Variants in AP3B2 observed in about 807,000 individuals in gnomAD.
AP3B2 encodes adaptor related protein complex 3 subunit beta 2, also known as AP-3 complex subunit beta-2.
AP3B2 carries 50 observed loss-of-function variants against 126.9 expected under a neutral mutation model. The observed-to-expected ratio is 0.39, with a 90% CI of 0.31 to 0.50. The LOEUF is 0.50. AP3B2 is among the 20% of genes least tolerant of loss of function. The pLI is 0.79. For synonymous variants in AP3B2, 541 were observed against 565.0 expected, an observed-to-expected ratio of 0.96 and a Z score of 0.60; for missense variants, 1,177 against 1,426.4, an observed-to-expected ratio of 0.83 and a Z score of 2.82.
chr15:82,679,495 C>A (rs193259732), intron 10 of AP3B2, among the ~76,000 whole-genome samples: 1 of 152,284 alleles, frequency 6.6e-6, no homozygotes, highest in East Asian at 1.9e-4. Flanking sequence ...CAGGTTACTT[C>A]ATTTATGAAG....
At chr15:82,691,945 C>T in intron 1 of AP3B2, 1 of 1,378,292 alleles carries the variant, frequency 7.3e-7, no homozygotes, top group Non-Finnish European at 1.0e-6. Context: ...ACTCAACCAT[C>T]CCCACACCGT....
Position 82,659,410 on chromosome 15 carries a change from G to T in AP3B2, c.*150C>A. Reference sequence around the variant, plus strand: ...TCCATGGGGAGGGCATTAGGGGAGGGCTTGGTCCTCCAGAGGGAGAGAGGA... The same window carrying T: ...TCCATGGGGAGGGCATTAGGGGAGGTCTTGGTCCTCCAGAGGGAGAGAGGA... On this transcript the variant is annotated 3_prime_UTR_variant, in exon 27 of 27. Transcript: ENST00000535359. 1.0e-6 allele frequency: 1 copy of T among 983,156 alleles called. No individual in the cohort carries two copies. Among genetic ancestry groups the T allele is most frequent in the South Asian group, 1.6e-5 (1 of 62,694 alleles). 60.9% of individuals were successfully genotyped at this position (983,156 alleles called of 1,614,324 possible).
chr15:82,685,407 AG>A (rs1470359151), intron 4 of AP3B2: 1 of 152,240 alleles, frequency 6.6e-6, no homozygotes, highest in Non-Finnish European at 1.5e-5. Context: ...TGACGGGAAT[AG>A]AACACTAAAG....
intron 12 of AP3B2, 137 bp from the exon 13 acceptor site, chr15:82,677,520 G>A (rs372237808): frequency 1.5e-6 from 2 of 1,366,348 alleles, no homozygotes; most frequent in Admixed American, 4.3e-5. Flanking sequence ...CCTCAGAGGT[G>A]TAGGAACACT....
At chr15:82,676,991 G>A (rs968897470) in intron 13 of AP3B2, among the ~76,000 whole-genome samples, 1 of 152,136 alleles carries the variant, frequency 6.6e-6, no homozygotes, top group Non-Finnish European at 1.5e-5. Context: ...TTAGCAGTGC[G>A]ATAGAAAAAC....
chr15:82,671,635 G>C (rs2048161094), intron 14 of AP3B2, among the ~76,000 whole-genome samples: 1 of 152,002 alleles, frequency 6.6e-6, no homozygotes, highest in Non-Finnish European at 1.5e-5. Context: ...CTACTTGGGA[G>C]GCTGAGGCAG....
intron 13 of AP3B2, among the ~76,000 whole-genome samples, 179 bp downstream of exon 13, chr15:82,677,095 G>A (rs754769285): frequency 6.6e-6 from 1 of 152,210 alleles, no homozygotes; most frequent in Non-Finnish European, 1.5e-5. Flanking sequence ...GGTCTCCAAA[G>A]GGAAAGCAAA....
intron 1 of AP3B2, among the ~76,000 whole-genome samples, chr15:82,690,514 T>G (rs2048509249): frequency 6.6e-6 from 1 of 152,084 alleles, no homozygotes; most frequent in South Asian, 2.1e-4. Flanking sequence ...TTTGGTTTTC[T>G]GTCCTTGCAG....
At chr15:82,677,585 T>G (rs2048264427) in intron 12 of AP3B2, 86 bp downstream of exon 12, 1 of 1,463,088 alleles carries the variant, frequency 6.8e-7, no homozygotes, top group African/African-American at 1.4e-5. Flanking sequence ...CTAGGCAGAC[T>G]GGTGGATATC....
At chr15:82,668,701 C>CTGTGGAT (rs1373985423) in intron 14 of AP3B2, among the ~76,000 whole-genome samples, 2 of 152,148 alleles carry the variant, frequency 1.3e-5, no homozygotes, top group Non-Finnish European at 2.9e-5. Flanking sequence ...GGGCCATTCC[C>CTGTGGAT]TGTGGATTGT....
intron 10 of AP3B2, among the ~76,000 whole-genome samples, chr15:82,679,342 T>C (rs974758519): frequency 6.6e-6 from 1 of 152,230 alleles, no homozygotes; most frequent in Non-Finnish European, 1.5e-5. Flanking sequence ...CAGGCTGGTC[T>C]TGAACTCCTG....
At chr15:82,662,371 T>C in intron 23 of AP3B2, 119 bp from the exon 24 acceptor site, 1 of 781,864 alleles carries the variant, frequency 1.3e-6, no homozygotes, top group Non-Finnish European at 2.1e-6. Context: ...CTCTACAGAA[T>C]CTTGGCTTTC....
intron 1 of AP3B2, among the ~76,000 whole-genome samples, chr15:82,693,807 TCTC>T (rs2048588505): frequency 6.6e-6 from 1 of 151,776 alleles, no homozygotes; most frequent in Non-Finnish European, 1.5e-5. Context: ...TTCAAGCAAT[TCTC>T]CTGCCTCAGC....
In AP3B2 at chr15:82,678,292, C is replaced by T. The variant is rs1044626173; in HGVS notation, c.1183-125G>A. On this transcript the variant is annotated intron_variant, in intron 10 of 26. Transcript: ENST00000535359. ...ATGACAGCCCTGCATCATCCTCACA[C>T]TGATGAGGGAATTGACAGGTTATGA... The T allele has an allele frequency of 2.1e-4, 198 of 928,976 alleles. 5 individuals are homozygous for T. The highest frequency in any genetic ancestry group is 1.7e-4 in the Non-Finnish European group (103 of 589,686). The allele number at this position is 928,976 out of a possible 1,614,324, so 57.5% of individuals were successfully genotyped here.
chr15:82,706,171 C>T (rs2048792531), intron 1 of AP3B2, among the ~76,000 whole-genome samples: 1 of 152,182 alleles, frequency 6.6e-6, no homozygotes, highest in African/African-American at 2.4e-5. Flanking sequence ...CTATGCTCAA[C>T]TCACTCTCTA....
rs1396374203 is a variant in AP3B2 at position 82,680,237 on chromosome 15, G to A, written c.1056-8C>T. 1 of 1,613,644 alleles carries A rather than the reference G, an allele frequency of 6.2e-7. No homozygotes were observed. The highest frequency in any genetic ancestry group is 1.3e-5 in the African/African-American group (1 of 75,044). On this transcript the variant is annotated splice_polypyrimidine_tract_variant and splice_region_variant and intron_variant, in intron 8 of 26. Transcript: ENST00000535359. The surrounding 1 kb of genome is among the most constrained non-coding windows in gnomAD (Gnocchi z 6.1). ...ACAACGTACTGCACCTCACTGCGGA[G>A]AGGACGGGTCAGAGCACCCCGGGCC...
chr15:82,691,863 C>T (rs141227532), intron 1 of AP3B2: 6 of 1,293,726 alleles, frequency 4.6e-6, no homozygotes, highest in Non-Finnish European at 6.7e-6. Context: ...TAGGAAGTTT[C>T]ACTATCATGA....
At position 82,680,654 on chromosome 15, in the gene AP3B2, G is replaced by T. The variant is rs1476114061; in HGVS notation, c.873C>A (p.Pro291=). The change falls in exon 8 of 27, where the codon CCC becomes CCA. Residue 291 remains proline, a synonymous_variant. Coordinates refer to ENST00000535359, the MANE Select transcript of AP3B2 (RefSeq NM_001278512.2). This position sits in a 1 kb window ranked among gnomAD's most constrained non-coding sequence, Gnocchi z 6.1. ...GSEETAAAAA[P]SRKPYVMDPD... ...GGTCCATGACATAGGGCTTTCGGGA[G>T]GGGGCGGCCGCGGCGGCCGTCTCCT... 7 of 1,583,954 alleles carry T rather than the reference G, an allele frequency of 4.4e-6. No homozygotes were observed. In the South Asian group the frequency reaches 7.8e-5, roughly 18 times the overall value.
intron 3 of AP3B2, 102 bp from the exon 4 acceptor site, chr15:82,688,933 G>A (rs2151448995): frequency 1.7e-6 from 2 of 1,193,206 alleles, no homozygotes; most frequent in South Asian, 2.9e-5. Context: ...GCGGTCCATG[G>A]GGACAAACTC....
Sources: allele counts gnomAD v4.1 joint callset (sites outside exome capture counted in the v4.1 genomes callset), GRCh38; gene constraint gnomAD v4.1.1; non-coding constraint Gnocchi (gnomAD v3.1); transcripts MANE v1.5; gene names NCBI Gene and HGNC (gene_info 2026-07-23, HGNC 2026-07-21).